KCNH7: variants seen among roughly 807,000 people sequenced by gnomAD.
KCNH7 encodes the protein potassium voltage-gated channel subfamily H member 7.
KCNH7 carries 49 observed loss-of-function variants against 120.8 expected under a neutral mutation model. That is an observed-to-expected ratio of 0.41 (90% CI 0.32 to 0.51). KCNH7 has a LOEUF of 0.51. KCNH7 is among the 20% of genes least tolerant of loss of function. The pLI is 0.38. For synonymous variants in KCNH7, 547 were observed against 516.1 expected, an observed-to-expected ratio of 1.06 and a Z score of -0.81; for missense variants, 1,097 against 1,446.6, an observed-to-expected ratio of 0.76 and a Z score of 3.92.
chr2:162,382,381 C>T (rs1487118410), intron 13 of KCNH7, among the ~76,000 whole-genome samples: 2 of 151,942 alleles, frequency 1.3e-5, no homozygotes, highest in African/African-American at 2.4e-5. Flanking sequence ...GGTTAGTGGT[C>T]GTAATCAAAT....
At chr2:162,510,294 G>T (rs1483284404) in intron 5 of KCNH7, among the ~76,000 whole-genome samples, 2 of 151,512 alleles carry the variant, frequency 1.3e-5, no homozygotes, top group Non-Finnish European at 3.0e-5. Flanking sequence ...ATTAGTTTTA[G>T]AAAAAAGAGT....
At chr2:162,770,772 T>C (rs1428608538) in intron 2 of KCNH7, among the ~76,000 whole-genome samples, 1 of 152,186 alleles carries the variant, frequency 6.6e-6, no homozygotes, top group Non-Finnish European at 1.5e-5. Flanking sequence ...AAATATACTC[T>C]TGAATTTTCT....
intron 2 of KCNH7, among the ~76,000 whole-genome samples, chr2:162,792,722 C>CA (rs1420354667): frequency 2.0e-4 from 16 of 78,096 alleles, no homozygotes; most frequent in Admixed American, 1.1e-3. Flanking sequence ...TTTTTTTTTT[C>CA]AAAAAAAACC....
intron 2 of KCNH7, among the ~76,000 whole-genome samples, chr2:162,662,247 G>A (rs959364605): frequency 6.6e-6 from 1 of 151,922 alleles, no homozygotes. Context: ...TGGGTGACAG[G>A]GCGAGACTCT....
chr2:162,612,917 G>A (rs80070032), intron 2 of KCNH7, among the ~76,000 whole-genome samples: 1,602 of 152,060 alleles, frequency 0.011, 13 homozygotes, highest in Non-Finnish European at 0.016. Flanking sequence ...AATATGTTTT[G>A]AAAGAATTAT....
At chr2:162,684,524 C>T (rs886849141) in intron 2 of KCNH7, among the ~76,000 whole-genome samples, 1 of 152,026 alleles carries the variant, frequency 6.6e-6, no homozygotes, top group Non-Finnish European at 1.5e-5. Context: ...ACAACCCCAT[C>T]AAAATGTGGG....
At chr2:162,372,536 A>G (rs1422782820) in intron 15 of KCNH7, among the ~76,000 whole-genome samples, 1 of 152,168 alleles carries the variant, frequency 6.6e-6, no homozygotes, top group Non-Finnish European at 1.5e-5. Context: ...AACAAAGAAC[A>G]AAATAGATGG....
At chr2:162,562,689 C>T (rs569182715) in intron 2 of KCNH7, among the ~76,000 whole-genome samples, 22 of 152,266 alleles carry the variant, frequency 1.4e-4, no homozygotes, top group African/African-American at 4.8e-4. Context: ...AGAAGGGTGG[C>T]TTCCACCAAA....
intron 6 of KCNH7, among the ~76,000 whole-genome samples, chr2:162,476,545 C>T (rs1010137202): frequency 1.3e-5 from 2 of 152,054 alleles, no homozygotes; most frequent in African/African-American, 4.8e-5. Flanking sequence ...AATTTTCTTA[C>T]CAGTTCATTT....
intron 2 of KCNH7, among the ~76,000 whole-genome samples, chr2:162,754,837 T>C (rs1016784321): frequency 6.6e-6 from 1 of 152,228 alleles, no homozygotes; most frequent in Admixed American, 6.5e-5. Context: ...TTTTGGAGAC[T>C]GTTGAGAAAG....
chr2:162,604,324 G>C (rs1011299756), intron 2 of KCNH7, among the ~76,000 whole-genome samples: 2 of 151,946 alleles, frequency 1.3e-5, no homozygotes, highest in African/African-American at 4.8e-5. Context: ...TTTCAATACG[G>C]TTCAATAATG....
intron 2 of KCNH7, among the ~76,000 whole-genome samples, chr2:162,722,182 A>G (rs1188094107): frequency 1.3e-5 from 2 of 152,086 alleles, no homozygotes; most frequent in Non-Finnish European, 2.9e-5. Flanking sequence ...GAAAGTTCAA[A>G]ACATTAAAAA....
chr2:162,637,689 T>C lies in KCNH7; in HGVS notation c.308-100609A>G, dbSNP rs561832478. ...GATGTAGACGTATATCAAAATATCA[T>C]GTTGTACATCATAAATATATACAAT... On this transcript the variant is annotated intron_variant, in intron 2 of 15. Transcript: ENST00000332142. Among the ~76,000 whole-genome samples, 108 of 152,134 alleles carry C rather than the reference T, an allele frequency of 7.1e-4. 1 individual carries two copies. The highest frequency in any genetic ancestry group is 2.3e-3 in the African/African-American group (97 of 41,542).
intron 2 of KCNH7, among the ~76,000 whole-genome samples, chr2:162,766,288 A>C (rs1682803953): frequency 6.6e-6 from 1 of 152,174 alleles, no homozygotes; most frequent in Non-Finnish European, 1.5e-5. Context: ...CACATTTGGC[A>C]CATGCGCCTT....
chr2:162,441,999 C>CTTTTTTTTT (rs779418084), intron 7 of KCNH7, among the ~76,000 whole-genome samples: 684 of 41,550 alleles, frequency 0.016, 279 homozygotes, highest in South Asian at 0.034. Context: ...GTTAGGTCTT[C>CTTTTTTTTT]TTTTTTTTTT....
At chr2:162,767,025 A>C (rs1682843932) in intron 2 of KCNH7, among the ~76,000 whole-genome samples, 1 of 152,178 alleles carries the variant, frequency 6.6e-6, no homozygotes, top group African/African-American at 2.4e-5. Context: ...GTTTATAAAG[A>C]GTTTATGAAG....
chr2:162,632,290 G>A (rs918513126), intron 2 of KCNH7, among the ~76,000 whole-genome samples: 5 of 151,880 alleles, frequency 3.3e-5, no homozygotes, highest in Non-Finnish European at 7.4e-5. Context: ...TAAAATACTT[G>A]AGAATGAAAT....
At chr2:162,425,854 G>T (rs1480325979) in intron 8 of KCNH7, among the ~76,000 whole-genome samples, 1 of 152,116 alleles carries the variant, frequency 6.6e-6, no homozygotes, top group African/African-American at 2.4e-5. Context: ...TCATAAACAA[G>T]CATTTCCCAC....
chr2:162,415,334 C>G (rs1052734518), intron 9 of KCNH7, among the ~76,000 whole-genome samples: 1 of 151,982 alleles, frequency 6.6e-6, no homozygotes, highest in African/African-American at 2.4e-5. Context: ...ATGAAATGCA[C>G]CAGCACAGAA....
Sources: allele counts gnomAD v4.1 joint callset (sites outside exome capture counted in the v4.1 genomes callset), GRCh38; gene constraint gnomAD v4.1.1; transcripts MANE v1.5; gene names NCBI Gene and HGNC (gene_info 2026-07-23, HGNC 2026-07-21).